The following SMARCAD1 variants were observed in gnomAD, a reference collection of about 807,000 sequenced individuals.
SMARCAD1 encodes the protein SNF2 related chromatin remodeling ATPase with DExD box 1.
Under a neutral mutation model 127.1 loss-of-function variants are expected in SMARCAD1, and 25 were observed. The observed-to-expected ratio is 0.20, with a 90% CI of 0.14 to 0.27. The LOEUF (loss-of-function observed/expected upper bound fraction) is 0.27. Ranked by LOEUF, SMARCAD1 falls within the 10% of genes least tolerant of loss-of-function variation. The pLI is 1.00. For synonymous variants in SMARCAD1, 400 were observed against 396.9 expected, an observed-to-expected ratio of 1.01 and a Z score of -0.09; for missense variants, 807 against 1,206.0, an observed-to-expected ratio of 0.67 and a Z score of 4.90.
rs755435179 is a variant in SMARCAD1, at chr4:94,279,057, A to ATTTC, written c.2418+8_2418+11dup. The ATTTC allele has an allele frequency of 6.4e-5, 103 of 1,614,006 alleles. No homozygotes were observed. The African/African-American group carries it at 1.3e-3, about 21-fold the overall frequency. On this transcript the variant is annotated splice_region_variant and intron_variant, in intron 19 of 23. Coordinates refer to ENST00000354268, the MANE Select transcript of SMARCAD1 (RefSeq NM_020159.5). ...GTCTCAGCTTATGCTAAAGGTAAGG[A>ATTTC]TTTCATATTATGTTAACACTAAGCT...
Position 94,270,526 on chromosome 4 carries a change from TAGAATAG to T in SMARCAD1, c.1482-195_1482-189del, listed in dbSNP as rs1322716917. On this transcript the variant is annotated intron_variant, in intron 10 of 23. Transcript: ENST00000354268. ...GCTTGATTCTTACTGCCAGAAGAAA[TAGAATAG>T]AGAATAAAGTTTGAGAAGATCTGAA... The T allele has an allele frequency of 2.4e-5, 12 of 503,754 alleles. No individual in the cohort carries two copies. The East Asian group carries it at 3.3e-4, about 14-fold the overall frequency. The allele number at this position is 503,754 out of a possible 1,614,324, so 31.2% of individuals were successfully genotyped here.
intron 21 of SMARCAD1, among the ~76,000 whole-genome samples, chr4:94,281,888 C>G (rs112569297): frequency 8.3e-6 from 1 of 121,140 alleles, no homozygotes; most frequent in Admixed American, 8.8e-5. Context: ...ACAACAACAA[C>G]AAAAATAGCC....
intron 18 of SMARCAD1, 47 bp from the exon 19 acceptor site, chr4:94,278,882 G>A (rs1452137036): frequency 3.7e-6 from 6 of 1,611,154 alleles, no homozygotes; most frequent in Non-Finnish European, 4.2e-6. Context: ...TATTTCAACA[G>A]TTATCCGCTT....
intron 11 of SMARCAD1, among the ~76,000 whole-genome samples, chr4:94,271,101 A>G (rs913198227): frequency 6.6e-6 from 1 of 152,226 alleles, no homozygotes; most frequent in Non-Finnish European, 1.5e-5. Flanking sequence ...GTCACCTGTA[A>G]TTCTACCACT....
At chr4:94,214,001 A>G (rs1168935817) in intron 2 of SMARCAD1, among the ~76,000 whole-genome samples, 1 of 152,172 alleles carries the variant, frequency 6.6e-6, no homozygotes, top group Non-Finnish European at 1.5e-5. Context: ...ATAGAAAATG[A>G]TAGTGTCCTG....
intron 21 of SMARCAD1, 144 bp from the exon 22 acceptor site, chr4:94,282,977 T>TA (rs1754325660): frequency 1.5e-6 from 1 of 676,854 alleles, no homozygotes. Flanking sequence ...TCTTCAGTGA[T>TA]ATAGCCAGAG....
At chr4:94,282,846 CACAA>C (rs1338153956) in intron 21 of SMARCAD1, among the ~76,000 whole-genome samples, 1 of 151,824 alleles carries the variant, frequency 6.6e-6, no homozygotes, top group African/African-American at 2.4e-5. Context: ...TTAGCTAAGC[CACAA>C]GTTTAAAAAG....
intron 22 of SMARCAD1, among the ~76,000 whole-genome samples, chr4:94,283,766 A>G (rs537460635): frequency 4.6e-5 from 7 of 151,220 alleles, no homozygotes; most frequent in Admixed American, 3.9e-4. Context: ...CAGAGCTTGC[A>G]GTGAGCCGAG....
chr4:94,268,673 A>G (rs1406500742), intron 10 of SMARCAD1, among the ~76,000 whole-genome samples: 1 of 152,192 alleles, frequency 6.6e-6, no homozygotes, highest in Non-Finnish European at 1.5e-5. Context: ...CTACCATTGC[A>G]GATACAGATT....
intron 4 of SMARCAD1, among the ~76,000 whole-genome samples, chr4:94,234,705 A>C (rs1746367248): frequency 6.6e-6 from 1 of 152,228 alleles, no homozygotes; most frequent in Non-Finnish European, 1.5e-5. Context: ...GAAGATTAAT[A>C]AACAGTCTGT....
chr4:94,247,514 A>AT (rs1184880770), intron 6 of SMARCAD1, among the ~76,000 whole-genome samples: 1 of 152,172 alleles, frequency 6.6e-6, no homozygotes, highest in Non-Finnish European at 1.5e-5. Context: ...TATTTTATGT[A>AT]TTTTTTTATT....
chr4:94,281,741 T>A (rs1436896955), intron 21 of SMARCAD1, 151 bp downstream of exon 21: 3 of 658,524 alleles, frequency 4.6e-6, no homozygotes, highest in Non-Finnish European at 5.3e-6. Flanking sequence ...ATTTCAATGG[T>A]CAGGCATGGT....
At chr4:94,240,147 G>T (rs776349317) in intron 5 of SMARCAD1, among the ~76,000 whole-genome samples, 6 of 152,158 alleles carry the variant, frequency 3.9e-5, no homozygotes, top group Non-Finnish European at 7.4e-5. Context: ...TTAAACCTTT[G>T]TAGTCTTTAG....
chr4:94,209,064 A>G (rs1461641630), intron 2 of SMARCAD1, among the ~76,000 whole-genome samples: 2 of 152,336 alleles, frequency 1.3e-5, no homozygotes, highest in Non-Finnish European at 2.9e-5. Flanking sequence ...GACTTCCTGG[A>G]TGTCCTCAGA....
intron 5 of SMARCAD1, 109 bp from the exon 6 acceptor site, chr4:94,240,797 A>G: frequency 2.6e-6 from 2 of 766,442 alleles, no homozygotes; most frequent in Non-Finnish European, 4.6e-6. Context: ...GCCTGATATC[A>G]AGAGAACTGT....
chr4:94,274,675 A>G (rs1281507003), intron 12 of SMARCAD1, 63 bp from the exon 13 acceptor site: 6 of 1,439,066 alleles, frequency 4.2e-6, no homozygotes, highest in Non-Finnish European at 5.9e-6. Flanking sequence ...GTTTAGTGTT[A>G]ATTTAACCAT....
At chr4:94,234,152 T>A (rs1746274681) in intron 4 of SMARCAD1, 30 bp downstream of exon 4, 2 of 1,556,284 alleles carry the variant, frequency 1.3e-6, no homozygotes, top group African/African-American at 1.4e-5. Flanking sequence ...GTAGCTGTAA[T>A]GATGATAAAA....
chr4:94,250,146 A>G (rs751980941), intron 7 of SMARCAD1, among the ~76,000 whole-genome samples: 1 of 151,922 alleles, frequency 6.6e-6, no homozygotes, highest in Non-Finnish European at 1.5e-5. Flanking sequence ...TTAATATTTT[A>G]TAAGCTTTCT....
At chr4:94,233,236 C>G (rs528443518) in intron 3 of SMARCAD1, among the ~76,000 whole-genome samples, 3 of 152,182 alleles carry the variant, frequency 2.0e-5, no homozygotes, top group Non-Finnish European at 2.9e-5. Flanking sequence ...CTATAACTTA[C>G]ATTCATTTGT....
Sources: allele counts gnomAD v4.1 joint callset (sites outside exome capture counted in the v4.1 genomes callset), GRCh38; gene constraint gnomAD v4.1.1; transcripts MANE v1.5; gene names NCBI Gene and HGNC (gene_info 2026-07-23, HGNC 2026-07-21).